Variants in TAMM41 observed in about 807,000 individuals in gnomAD.
TAMM41 encodes phosphatidate cytidylyltransferase, mitochondrial.
In TAMM41, 36 loss-of-function variants were observed where a neutral mutation model predicts 44.1. That is an observed-to-expected ratio of 0.82 (90% CI 0.63 to 1.08). The LOEUF (loss-of-function observed/expected upper bound fraction) is 1.08, where lower values mean the gene tolerates loss of function less well. Among genes scored for constraint, TAMM41 ranks in the 50% least tolerant of loss-of-function variants. TAMM41 has a pLI of 0.00. For missense variants in TAMM41, 417 were observed against 404.3 expected, an observed-to-expected ratio of 1.03 and a Z score of -0.27; for synonymous variants, 164 against 153.1, an observed-to-expected ratio of 1.07 and a Z score of -0.53.
the TAMM41 span, among the ~76,000 whole-genome samples, chr3:11,722,656 A>G: frequency 6.6e-6 from 1 of 152,184 alleles, no homozygotes; most frequent in South Asian, 2.1e-4. Context: ...AACATGGCAA[A>G]GCCCATCTCT....
the TAMM41 span, among the ~76,000 whole-genome samples, chr3:11,745,203 C>T: frequency 6.6e-6 from 1 of 152,136 alleles, no homozygotes; most frequent in Non-Finnish European, 1.5e-5. Flanking sequence ...TGGTGGTGCA[C>T]ACCTGTAGTC....
chr3:11,842,363 C>A (rs1479428718), intron 2 of TAMM41, among the ~76,000 whole-genome samples: 1 of 141,706 alleles, frequency 7.1e-6, no homozygotes, highest in African/African-American at 2.6e-5. Context: ...CATTGCACTC[C>A]AGCCTGGGCA....
At chr3:11,823,549 G>A (rs1041803979) in intron 4 of TAMM41, among the ~76,000 whole-genome samples, 1 of 151,900 alleles carries the variant, frequency 6.6e-6, no homozygotes, top group Non-Finnish European at 1.5e-5. Context: ...GAGCCACTGC[G>A]CCCGGCCTTT....
the TAMM41 span, among the ~76,000 whole-genome samples, chr3:11,774,501 CAT>C: frequency 2.1e-4 from 32 of 152,334 alleles, no homozygotes; most frequent in Non-Finnish European, 3.7e-4. Context: ...AAAACAGCCA[CAT>C]GTCACAGGCC....
the TAMM41 span, among the ~76,000 whole-genome samples, chr3:11,753,885 C>T: frequency 1.3e-5 from 2 of 151,958 alleles, no homozygotes; most frequent in African/African-American, 2.4e-5. Context: ...GCGAGGAGGC[C>T]GATGACAAGA....
the TAMM41 span, among the ~76,000 whole-genome samples, chr3:11,776,155 A>C: frequency 3.3e-5 from 5 of 151,236 alleles, no homozygotes; most frequent in Non-Finnish European, 7.4e-5. Context: ...CTGGGACTAC[A>C]GGCGCCCGCC....
intron 7 of TAMM41, among the ~76,000 whole-genome samples, chr3:11,801,164 A>G (rs902886958): frequency 4.6e-5 from 7 of 152,184 alleles, no homozygotes; most frequent in African/African-American, 1.2e-4. Flanking sequence ...TTAGGCTACA[A>G]AACAAGTCTT....
At chr3:11,737,110 C>T in the TAMM41 span, among the ~76,000 whole-genome samples, 3 of 151,932 alleles carry the variant, frequency 2.0e-5, no homozygotes, top group Non-Finnish European at 2.9e-5. Context: ...TCCAGCCTTC[C>T]CATCTGTTCT....
At chr3:11,841,127 T>C (rs951321170) in intron 2 of TAMM41, among the ~76,000 whole-genome samples, 1 of 137,634 alleles carries the variant, frequency 7.3e-6, no homozygotes, top group African/African-American at 2.7e-5. Flanking sequence ...CTGTTGCCCA[T>C]GCTGGAGTGC....
intron 7 of TAMM41, among the ~76,000 whole-genome samples, chr3:11,802,615 C>T (rs2124938921): frequency 6.6e-6 from 1 of 152,262 alleles, no homozygotes. Flanking sequence ...CTGAACTCTA[C>T]CAAACACAGA....
At chr3:11,756,664 G>A in the TAMM41 span, among the ~76,000 whole-genome samples, 2 of 152,040 alleles carry the variant, frequency 1.3e-5, no homozygotes, top group African/African-American at 2.4e-5. Flanking sequence ...TAGGGAGTTC[G>A]AGACCAGCCT....
the TAMM41 span, among the ~76,000 whole-genome samples, chr3:11,774,808 T>C: frequency 1.3e-5 from 2 of 152,020 alleles, no homozygotes; most frequent in South Asian, 2.1e-4. Flanking sequence ...AGTGTCCTAA[T>C]CTGCCCTCAT....
chr3:11,746,234 G>A, the TAMM41 span, among the ~76,000 whole-genome samples: 3 of 151,528 alleles, frequency 2.0e-5, no homozygotes, highest in Non-Finnish European at 4.4e-5. Context: ...AACCCAGGAG[G>A]CGGAGCTTGC....
the TAMM41 span, among the ~76,000 whole-genome samples, chr3:11,749,310 C>A: frequency 1.3e-5 from 2 of 152,178 alleles, no homozygotes; most frequent in Non-Finnish European, 2.9e-5. Flanking sequence ...GTGGTGGAAC[C>A]AGGACTTGAA....
the TAMM41 span, among the ~76,000 whole-genome samples, chr3:11,730,873 G>A: frequency 1.3e-5 from 2 of 152,168 alleles, no homozygotes; most frequent in Non-Finnish European, 2.9e-5. Flanking sequence ...GGAATTTGCT[G>A]GGGTTCGAAT....
chr3:11,766,489 G>A, the TAMM41 span, among the ~76,000 whole-genome samples: 1 of 152,072 alleles, frequency 6.6e-6, no homozygotes, highest in Non-Finnish European at 1.5e-5. Context: ...ATTTTGGAAG[G>A]AGAAGTACAG....
At chr3:11,819,116 T>G (rs145598420) in intron 4 of TAMM41, among the ~76,000 whole-genome samples, 1 of 152,290 alleles carries the variant, frequency 6.6e-6, no homozygotes, top group East Asian at 1.9e-4. Flanking sequence ...AAATCAGTCC[T>G]TTCACATATT....
At chr3:11,734,177 T>G in the TAMM41 span, among the ~76,000 whole-genome samples, 1 of 152,198 alleles carries the variant, frequency 6.6e-6, no homozygotes, top group African/African-American at 2.4e-5. Flanking sequence ...TGGTCATCTC[T>G]GTCAGCAAAC....
rs563754552 is a variant in TAMM41, at chr3:11,793,144, G to T, written c.938-2563C>A. ...TTGACATCACATGTATCCAACAATG[G>T]AGTTGTGCCCCGACTACAGAGAGAA... On this transcript the variant is annotated intron_variant, in intron 7 of 7. Coordinates refer to ENST00000455809, the MANE Select transcript of TAMM41 (RefSeq NM_001284401.2). Among the ~76,000 whole-genome samples the T allele has an allele frequency of 2.0e-5, 3 of 151,340 alleles. No individual in the cohort carries two copies. The East Asian group carries it at 5.9e-4, about 30-fold the overall frequency.
Sources: gnomAD v4.1 joint callset for allele counts (sites outside exome capture counted in the v4.1 genomes callset) on GRCh38, gnomAD v4.1.1 for gene constraint, MANE v1.5 for transcripts, NCBI Gene and HGNC (gene_info 2026-07-23, HGNC 2026-07-21) for gene names.